The following AGTPBP1 variants were observed in gnomAD, a reference collection of about 807,000 sequenced individuals.
AGTPBP1 encodes ATP/GTP binding carboxypeptidase 1.
A neutral mutation model predicts 143.9 loss-of-function variants in AGTPBP1; 70 were observed. The ratio of observed to expected loss-of-function variants is 0.49; its 90% CI spans 0.40 to 0.59. The LOEUF (loss-of-function observed/expected upper bound fraction) is 0.59. Ranked by LOEUF, AGTPBP1 falls within the 20% of genes least tolerant of loss-of-function variation. AGTPBP1 has a pLI of 0.00. For missense variants in AGTPBP1, 1,229 were observed against 1,464.5 expected, an observed-to-expected ratio of 0.84 and a Z score of 2.62; for synonymous variants, 463 against 500.2, an observed-to-expected ratio of 0.93 and a Z score of 0.99.
At chr9:85,642,767 G>A (rs1832568388) in intron 13 of AGTPBP1, 60 bp downstream of exon 13, 1 of 1,318,316 alleles carries the variant, frequency 7.6e-7, no homozygotes, top group Non-Finnish European at 1.1e-6. Flanking sequence ...ATCGACCTAA[G>A]GGAAAAAAAA....
the AGTPBP1 span, among the ~76,000 whole-genome samples, chr9:85,783,021 T>C: frequency 6.6e-6 from 1 of 152,156 alleles, no homozygotes; most frequent in African/African-American, 2.4e-5. Flanking sequence ...ATATTAGACA[T>C]CTAGTTTGTA....
chr9:85,673,964 C>T (rs142184673), intron 6 of AGTPBP1, among the ~76,000 whole-genome samples: 1,593 of 149,860 alleles, frequency 0.011, 28 homozygotes, highest in African/African-American at 0.037. Flanking sequence ...ATTAAAAATA[C>T]AAAAAAAAAT....
chr9:85,591,123 T>C (rs1238702045), intron 19 of AGTPBP1, among the ~76,000 whole-genome samples: 1 of 151,380 alleles, frequency 6.6e-6, no homozygotes, highest in African/African-American at 2.4e-5. Context: ...AAGAGTAATA[T>C]ATTTTAAAGT....
chr9:85,570,138 G>C (rs913870501), intron 25 of AGTPBP1, among the ~76,000 whole-genome samples: 2 of 152,172 alleles, frequency 1.3e-5, no homozygotes, highest in African/African-American at 4.8e-5. Context: ...AAGGGGTAAA[G>C]GGGATGGGTA....
intron 25 of AGTPBP1, among the ~76,000 whole-genome samples, chr9:85,553,162 T>C (rs1250440338): frequency 6.6e-6 from 1 of 152,172 alleles, no homozygotes; most frequent in Non-Finnish European, 1.5e-5. Flanking sequence ...CTACAGCATA[T>C]AGACGTACAT....
intron 1 of AGTPBP1, among the ~76,000 whole-genome samples, chr9:85,727,184 G>T (rs969324561): frequency 6.6e-6 from 1 of 152,028 alleles, no homozygotes; most frequent in Non-Finnish European, 1.5e-5. Flanking sequence ...AAAATCAGCC[G>T]GGCATGGTGG....
intron 1 of AGTPBP1, among the ~76,000 whole-genome samples, chr9:85,720,097 A>T (rs141923362): frequency 0.014 from 2,141 of 152,314 alleles, 57 homozygotes; most frequent in African/African-American, 0.048. Flanking sequence ...ATCGATGTTC[A>T]TCAGGGATAT....
intron 2 of AGTPBP1, among the ~76,000 whole-genome samples, chr9:85,709,156 C>A (rs1837205914): frequency 6.6e-6 from 1 of 152,088 alleles, no homozygotes; most frequent in Non-Finnish European, 1.5e-5. Context: ...CACAGGAATG[C>A]AAAGTTGGTT....
chr9:85,748,997 C>CTTTTTTTTTTTTTTTTT, the AGTPBP1 span, among the ~76,000 whole-genome samples: 1 of 95,466 alleles, frequency 1.0e-5, no homozygotes, highest in Non-Finnish European at 1.9e-5. Flanking sequence ...ATCTAGTGCA[C>CTTTTTTTTTTTTTTTTT]TTTTTTTTTT....
rs541011083 is a variant in AGTPBP1, at chr9:85,717,126, C to T, written c.-33-4560G>A. Among the ~76,000 whole-genome samples the T allele has an allele frequency of 1.2e-3, 187 of 152,336 alleles. 1 individual carries two copies. The highest frequency in any genetic ancestry group is 3.7e-3 in the African/African-American group (155 of 41,580). On this transcript the variant is annotated intron_variant, in intron 1 of 25. Coordinates refer to ENST00000357081, the MANE Select transcript of AGTPBP1 (RefSeq NM_001330701.2). ...TTTAATATTGCAAACTACCTCCAGA[C>T]CCTAGCATACCCATTGCCCTTGCCG...
the AGTPBP1 span, among the ~76,000 whole-genome samples, chr9:85,748,439 A>G: frequency 6.6e-6 from 1 of 152,116 alleles, no homozygotes; most frequent in Non-Finnish European, 1.5e-5. Flanking sequence ...CTGCAATTAA[A>G]CTGAAAATTT....
At chr9:85,642,050 C>T (rs967689247) in intron 13 of AGTPBP1, among the ~76,000 whole-genome samples, 13 of 152,030 alleles carry the variant, frequency 8.6e-5, no homozygotes, top group Non-Finnish European at 1.8e-4. Flanking sequence ...TATAACCTCA[C>T]AACAAAGTAT....
intron 12 of AGTPBP1, among the ~76,000 whole-genome samples, chr9:85,644,992 A>C (rs1832727686): frequency 6.6e-6 from 1 of 152,156 alleles, no homozygotes; most frequent in Non-Finnish European, 1.5e-5. Context: ...AAGAAAAATT[A>C]TATTTTAGTA....
chr9:85,659,158 A>G (rs1260937425), intron 9 of AGTPBP1, among the ~76,000 whole-genome samples: 1 of 152,204 alleles, frequency 6.6e-6, no homozygotes, highest in Non-Finnish European at 1.5e-5. Flanking sequence ...TGCCCCTTAA[A>G]GGAAGTGAAC....
At chr9:85,666,847 A>G (rs1834163550) in intron 8 of AGTPBP1, among the ~76,000 whole-genome samples, 1 of 152,110 alleles carries the variant, frequency 6.6e-6, no homozygotes, top group African/African-American at 2.4e-5. Flanking sequence ...AGCATAACTA[A>G]TGTACTTTTA....
intron 3 of AGTPBP1, among the ~76,000 whole-genome samples, chr9:85,687,900 G>T (rs1051814639): frequency 6.6e-6 from 1 of 151,754 alleles, no homozygotes; most frequent in Admixed American, 6.6e-5. Context: ...GACCAGCCTG[G>T]CTAACACGGT....
At chr9:85,596,304 T>C (rs1829296050) in intron 18 of AGTPBP1, 58 bp downstream of exon 18, 1 of 1,157,776 alleles carries the variant, frequency 8.6e-7, no homozygotes, top group Non-Finnish European at 1.2e-6. Context: ...TGAAACAGGA[T>C]GTACTTAATA....
At chr9:85,568,026 A>G (rs1359587027) in intron 25 of AGTPBP1, among the ~76,000 whole-genome samples, 1 of 152,224 alleles carries the variant, frequency 6.6e-6, no homozygotes, top group Non-Finnish European at 1.5e-5. Flanking sequence ...AATCTTAAAG[A>G]AGTGGAGGCA....
chr9:85,804,731 C>G, the AGTPBP1 span, among the ~76,000 whole-genome samples: 1 of 152,210 alleles, frequency 6.6e-6, no homozygotes, highest in African/African-American at 2.4e-5. Flanking sequence ...CCACTACGAC[C>G]TGATGGAGAA....
Sources: allele counts gnomAD v4.1 joint callset (sites outside exome capture counted in the v4.1 genomes callset), GRCh38; gene constraint gnomAD v4.1.1; transcripts MANE v1.5; gene names NCBI Gene and HGNC (gene_info 2026-07-23, HGNC 2026-07-21).